ADAMTS17: variants seen among roughly 807,000 people sequenced by gnomAD.
ADAMTS17 encodes ADAM metallopeptidase with thrombospondin type 1 motif 17, also known as A disintegrin and metalloproteinase with thrombospondin motifs 17.
Under a neutral mutation model 141.5 loss-of-function variants are expected in ADAMTS17, and 113 were observed. The ratio of observed to expected loss-of-function variants is 0.80; its 90% CI spans 0.69 to 0.93. ADAMTS17 has a LOEUF of 0.93. ADAMTS17 is among the 40% of genes least tolerant of loss of function. The pLI, the probability that ADAMTS17 is intolerant of heterozygous loss-of-function variation, is 0.00. For synonymous variants in ADAMTS17, 768 were observed against 630.6 expected (o/e 1.22, Z -3.27); for missense variants, 1,659 against 1,517.9 (o/e 1.09, Z -1.54).
At chr15:100,102,156 G>C (rs1240560833) in intron 14 of ADAMTS17, among the ~76,000 whole-genome samples, 1 of 152,190 alleles carries the variant, frequency 6.6e-6, no homozygotes, top group Non-Finnish European at 1.5e-5. Context: ...TCAATTTTCT[G>C]CCAGGGTCAG....
intron 20 of ADAMTS17, among the ~76,000 whole-genome samples, chr15:99,987,601 T>C (rs1277035964): frequency 6.6e-6 from 1 of 152,122 alleles, no homozygotes; most frequent in African/African-American, 2.4e-5. Context: ...AGATGACACA[T>C]AAACCATACG....
At chr15:100,231,295 T>C (rs1222984405) in intron 7 of ADAMTS17, among the ~76,000 whole-genome samples, 6 of 152,212 alleles carry the variant, frequency 3.9e-5, no homozygotes, top group Admixed American at 3.3e-4. Flanking sequence ...AAATTTTAAT[T>C]GAGGCTTCAG....
chr15:100,200,513 A>G (rs2041287518), intron 7 of ADAMTS17, among the ~76,000 whole-genome samples: 1 of 152,034 alleles, frequency 6.6e-6, no homozygotes, highest in Admixed American at 6.5e-5. Flanking sequence ...GCTTATCTCA[A>G]CAGGGCTCGC....
In ADAMTS17 at chr15:100,341,026, G is replaced by A. The variant is rs911098856; in HGVS notation, c.450+13C>T. The A allele has an allele frequency of 3.3e-6, 5 of 1,524,598 alleles. No homozygotes were observed. In the African/African-American group the frequency reaches 6.9e-5, roughly 21 times the overall value. The allele number at this position is 1,524,598 out of a possible 1,614,324, so 94.4% of individuals were successfully genotyped here. Reference sequence around the variant, plus strand: ...GACCGGACGGGCCGACCCGGAGGTGGCGCGGGCAGTACCAGGCCGCCGGCG... The same window carrying A: ...GACCGGACGGGCCGACCCGGAGGTGACGCGGGCAGTACCAGGCCGCCGGCG... On this transcript the variant is annotated intron_variant, in intron 2 of 21. Coordinates refer to ENST00000268070, the MANE Select transcript of ADAMTS17 (RefSeq NM_139057.4).
At chr15:100,289,062 T>C (rs1178951849) in intron 3 of ADAMTS17, among the ~76,000 whole-genome samples, 2 of 152,140 alleles carry the variant, frequency 1.3e-5, no homozygotes, top group African/African-American at 4.8e-5. Flanking sequence ...ACCGGAGCTT[T>C]GTTCTTTGAA....
chr15:100,128,030 C>T (rs1477230421), intron 12 of ADAMTS17, among the ~76,000 whole-genome samples: 2 of 152,112 alleles, frequency 1.3e-5, no homozygotes, highest in Non-Finnish European at 2.9e-5. Context: ...TCCTCATGAC[C>T]AGACATGGAG....
intron 7 of ADAMTS17, among the ~76,000 whole-genome samples, chr15:100,238,945 G>A (rs34329711): frequency 0.1 from 15,261 of 152,152 alleles, 823 homozygotes; most frequent in East Asian, 0.15. Context: ...ACAAAAGTTA[G>A]CCAGGCGTAG....
rs140485984 is a variant in ADAMTS17, at chr15:100,289,548, T to A, written c.617-8147A>T. 5.7e-3 allele frequency among the ~76,000 whole-genome samples: 836 copies of A among 146,552 alleles called. 16 individuals carry two copies. The East Asian group carries it at 0.072, about 13-fold the overall frequency. Reference sequence around the variant, plus strand: ...CACACACATACACACATACACACACTCACACACACACACACACACACACTC... The same window carrying A: ...CACACACATACACACATACACACACACACACACACACACACACACACACTC... On this transcript the variant is annotated intron_variant, in intron 3 of 21. Coordinates refer to ENST00000268070, the MANE Select transcript of ADAMTS17 (RefSeq NM_139057.4).
At chr15:100,183,020 G>A (rs867094466) in intron 8 of ADAMTS17, among the ~76,000 whole-genome samples, 4 of 151,686 alleles carry the variant, frequency 2.6e-5, no homozygotes, top group African/African-American at 7.3e-5. Flanking sequence ...ACAGAGTCTC[G>A]CACTGTCACC....
chr15:100,069,077 T>A (rs964034194), intron 15 of ADAMTS17, among the ~76,000 whole-genome samples: 1 of 152,060 alleles, frequency 6.6e-6, no homozygotes, highest in East Asian at 1.9e-4. Context: ...AACCAAGCCA[T>A]GAGAACTACG....
At chr15:100,267,333 T>C (rs963211306) in intron 4 of ADAMTS17, among the ~76,000 whole-genome samples, 2 of 152,176 alleles carry the variant, frequency 1.3e-5, no homozygotes, top group African/African-American at 2.4e-5. Flanking sequence ...CTGGATAATA[T>C]TCCATTGTAT....
intron 15 of ADAMTS17, among the ~76,000 whole-genome samples, chr15:100,062,479 G>A (rs894843016): frequency 1.3e-5 from 2 of 152,106 alleles, no homozygotes; most frequent in African/African-American, 4.8e-5. Context: ...ACAGGACTGT[G>A]GTCTTCATTG....
Position 99,997,210 on chromosome 15 carries a change from G to C in ADAMTS17, c.2796+175C>G, listed in dbSNP as rs1023950832. Reference sequence around the variant, plus strand: ...ACATCATCAGAGACATGGTATCTATGTTTCCGCAGCCAGGCTGTTATCTGA... The same window carrying C: ...ACATCATCAGAGACATGGTATCTATCTTTCCGCAGCCAGGCTGTTATCTGA... On this transcript the variant is annotated intron_variant, in intron 19 of 21. Transcript: ENST00000268070. This position sits in a 1 kb window ranked among gnomAD's most constrained non-coding sequence, Gnocchi z 4.7. Among the ~76,000 whole-genome samples the C allele has an allele frequency of 2.4e-4, 36 of 152,252 alleles. No homozygotes were observed. The highest frequency in any genetic ancestry group is 3.7e-4 in the Non-Finnish European group (25 of 68,046).
chr15:100,150,046 A>ATT (rs2039090167), intron 10 of ADAMTS17, among the ~76,000 whole-genome samples: 1 of 152,170 alleles, frequency 6.6e-6, no homozygotes, highest in Non-Finnish European at 1.5e-5. Context: ...AGAGGAAAAA[A>ATT]CACATTTATT....
intron 15 of ADAMTS17, among the ~76,000 whole-genome samples, chr15:100,089,203 G>A (rs1301848356): frequency 2.0e-5 from 3 of 148,704 alleles, no homozygotes; most frequent in Non-Finnish European, 3.0e-5. Context: ...CTCAAAAGAA[G>A]ACATTTATGC....
intron 18 of ADAMTS17, among the ~76,000 whole-genome samples, chr15:100,008,372 AGG>A (rs1263834808): frequency 2.6e-5 from 4 of 152,178 alleles, no homozygotes; most frequent in African/African-American, 9.7e-5. Context: ...CACTGAGAAC[AGG>A]CTGCTGCAGA....
intron 7 of ADAMTS17, among the ~76,000 whole-genome samples, chr15:100,248,763 G>A (rs927530285): frequency 2.6e-5 from 4 of 151,844 alleles, no homozygotes; most frequent in African/African-American, 4.8e-5. Context: ...AGTCCATATC[G>A]GTGCCAGGAG....
intron 3 of ADAMTS17, chr15:100,306,154 G>A (rs1001858549): frequency 3.2e-5 from 8 of 252,842 alleles, no homozygotes; most frequent in South Asian, 1.4e-4. Context: ...TGTCACTAGC[G>A]GTGTCACCTA....
At chr15:100,331,182 C>T (rs2046042948) in intron 2 of ADAMTS17, 128 bp from the exon 3 acceptor site, 2 of 1,141,262 alleles carry the variant, frequency 1.8e-6, no homozygotes, top group Non-Finnish European at 2.6e-6. Flanking sequence ...CGTTTCTTTG[C>T]AGATTGGTCA....
Sources: allele counts gnomAD v4.1 joint callset (sites outside exome capture counted in the v4.1 genomes callset), GRCh38; gene constraint gnomAD v4.1.1; non-coding constraint Gnocchi (gnomAD v3.1); transcripts MANE v1.5; gene names NCBI Gene and HGNC (gene_info 2026-07-23, HGNC 2026-07-21).